Variants in AFG1L observed in about 807,000 individuals in gnomAD.
AFG1L encodes AFG1 like ATPase.
In AFG1L, 53 loss-of-function variants were observed where a neutral mutation model predicts 62.2. That is an observed-to-expected ratio of 0.85 (90% confidence interval 0.68 to 1.07). The LOEUF (loss-of-function observed/expected upper bound fraction) is 1.07. Ranked by LOEUF, AFG1L falls within the 50% of genes least tolerant of loss-of-function variation. The pLI is 0.00. For missense variants in AFG1L, 555 were observed against 590.5 expected (o/e 0.94, Z 0.62); for synonymous variants, 228 against 210.3 (o/e 1.08, Z -0.73).
chr6:108,308,998 C>T (rs770591429), intron 1 of AFG1L, among the ~76,000 whole-genome samples: 8 of 152,276 alleles, frequency 5.3e-5, no homozygotes, highest in South Asian at 2.1e-4. Flanking sequence ...TGAGCCACTG[C>T]GCCTGGCCAA....
chr6:108,471,595 G>A (rs1234487122), intron 8 of AFG1L, among the ~76,000 whole-genome samples: 1 of 150,862 alleles, frequency 6.6e-6, no homozygotes, highest in Non-Finnish European at 1.5e-5. Flanking sequence ...CGAGTAGCTG[G>A]GATTACAGGT....
intron 8 of AFG1L, among the ~76,000 whole-genome samples, chr6:108,472,843 GC>G (rs2114805427): frequency 6.8e-6 from 1 of 147,216 alleles, no homozygotes; most frequent in Non-Finnish European, 1.5e-5. Flanking sequence ...TCCCTCTGTA[GC>G]CCAGGCTGGA....
intron 6 of AFG1L, among the ~76,000 whole-genome samples, chr6:108,378,429 C>T (rs1582472747): frequency 1.3e-5 from 2 of 152,252 alleles, no homozygotes; most frequent in African/African-American, 4.8e-5. Context: ...AAGTGATTCT[C>T]TGCCTCAGCT....
chr6:108,505,659 A>C (rs1264913270), intron 10 of AFG1L, among the ~76,000 whole-genome samples: 2 of 152,204 alleles, frequency 1.3e-5, no homozygotes, highest in Non-Finnish European at 2.9e-5. Context: ...TCAACCTTGA[A>C]AAAGAATCAG....
chr6:108,372,332 CTTT>C (rs1188752721), intron 6 of AFG1L, among the ~76,000 whole-genome samples: 3 of 136,088 alleles, frequency 2.2e-5, no homozygotes, highest in African/African-American at 2.7e-5. Context: ...CAAACTTGTT[CTTT>C]TTTTTTTTTT....
intron 7 of AFG1L, among the ~76,000 whole-genome samples, chr6:108,443,428 A>C (rs1231148433): frequency 1.3e-5 from 2 of 152,232 alleles, no homozygotes; most frequent in Non-Finnish European, 2.9e-5. Context: ...CATCATAGTC[A>C]CAACATTCAA....
At chr6:108,434,069 G>A (rs994942726) in intron 7 of AFG1L, among the ~76,000 whole-genome samples, 1 of 152,182 alleles carries the variant, frequency 6.6e-6, no homozygotes, top group Admixed American at 6.5e-5. Flanking sequence ...TATGCTGAAT[G>A]GGTTGTCTAA....
intron 7 of AFG1L, among the ~76,000 whole-genome samples, chr6:108,433,268 ATTG>A (rs1425317914): frequency 7.7e-6 from 1 of 130,300 alleles, no homozygotes; most frequent in African/African-American, 2.6e-5. Flanking sequence ...TAACTTTATT[ATTG>A]TTATTATTAT....
chr6:108,476,240 C>T (rs1562184323), intron 8 of AFG1L, among the ~76,000 whole-genome samples: 1 of 152,138 alleles, frequency 6.6e-6, no homozygotes, highest in African/African-American at 2.4e-5. Context: ...TTCATAGTAG[C>T]TGTAACAGTG....
At chr6:108,329,416 G>A (rs1257971831) in intron 2 of AFG1L, among the ~76,000 whole-genome samples, 3 of 151,510 alleles carry the variant, frequency 2.0e-5, no homozygotes, top group Admixed American at 6.6e-5. Flanking sequence ...CTCCTGTCTC[G>A]GCCTCCCGAG....
chr6:108,433,197 T>C (rs528883729), intron 7 of AFG1L, among the ~76,000 whole-genome samples: 2 of 152,316 alleles, frequency 1.3e-5, no homozygotes, highest in African/African-American at 4.8e-5. Flanking sequence ...TGTGAACAAA[T>C]AAATCTGCTT....
At chr6:108,392,163 A>T (rs1242372540) in intron 6 of AFG1L, 2 of 152,202 alleles carry the variant, frequency 1.3e-5, no homozygotes, top group African/African-American at 4.8e-5. Context: ...TATTTAAAAG[A>T]TGTAAAATTT....
At chr6:108,493,986 A>G (rs1431581378) in intron 10 of AFG1L, among the ~76,000 whole-genome samples, 2 of 152,106 alleles carry the variant, frequency 1.3e-5, no homozygotes, top group East Asian at 1.9e-4. Flanking sequence ...CTGTGCCACC[A>G]TGCCTTGCTA....
intron 7 of AFG1L, among the ~76,000 whole-genome samples, chr6:108,439,527 G>T (rs1478605263): frequency 6.6e-6 from 1 of 152,136 alleles, no homozygotes; most frequent in Non-Finnish European, 1.5e-5. Flanking sequence ...CATACTGTAT[G>T]ATTTCACTTA....
At position 108,487,240 on chromosome 6, in the gene AFG1L, T is replaced by C. The variant is rs114672182; in HGVS notation, c.1062+9948T>C. On this transcript the variant is annotated intron_variant, in intron 10 of 12. Coordinates refer to ENST00000368977, the MANE Select transcript of AFG1L (RefSeq NM_145315.5). ...TGACACTGGGCGCTGTGGCACACAC[T>C]TGTAGTCTCAGCTACTTGGGAGGCT... 4.9e-3 allele frequency among the ~76,000 whole-genome samples: 748 copies of C among 152,338 alleles called. 2 individuals are homozygous for C. The highest frequency in any genetic ancestry group is 0.017 in the African/African-American group (722 of 41,596).
intron 10 of AFG1L, among the ~76,000 whole-genome samples, chr6:108,510,001 C>T (rs1480512904): frequency 6.6e-6 from 1 of 152,122 alleles, no homozygotes; most frequent in Non-Finnish European, 1.5e-5. Context: ...GATGTGATTT[C>T]TATCAGAATA....
chr6:108,304,172 A>G (rs969118876), intron 1 of AFG1L, among the ~76,000 whole-genome samples: 1 of 152,230 alleles, frequency 6.6e-6, no homozygotes, highest in Non-Finnish European at 1.5e-5. Flanking sequence ...TTTTATAAAT[A>G]AAGTAAATCA....
chr6:108,399,178 GTTTTTTTTTTT>G (rs57304886), intron 6 of AFG1L, among the ~76,000 whole-genome samples: 82 of 62,232 alleles, frequency 1.3e-3, no homozygotes, highest in Admixed American at 1.9e-3. Flanking sequence ...TCTTTTGTTT[GTTTTTTTTTTT>G]TTTTTTTTTT....
intron 7 of AFG1L, among the ~76,000 whole-genome samples, chr6:108,418,895 A>C (rs962122138): frequency 6.6e-6 from 1 of 152,156 alleles, no homozygotes; most frequent in African/African-American, 2.4e-5. Context: ...TTATTAGGTT[A>C]CTTTCAATTT....
Sources: allele counts gnomAD v4.1 joint callset (sites outside exome capture counted in the v4.1 genomes callset), GRCh38; gene constraint gnomAD v4.1.1; transcripts MANE v1.5; gene names NCBI Gene and HGNC (gene_info 2026-07-23, HGNC 2026-07-21).